PID1: variants seen among roughly 807,000 people sequenced by gnomAD.
PID1 encodes PTB-containing, cubilin and LRP1-interacting protein.
Under a neutral mutation model 19.1 loss-of-function variants are expected in PID1, and 10 were observed. The observed-to-expected ratio is 0.52, with a 90% CI of 0.32 to 0.89. PID1 has a LOEUF of 0.89. PID1 is among the 40% of genes least tolerant of loss of function. The pLI is 0.03. For synonymous variants in PID1, 130 were observed against 116.0 expected (o/e 1.12, Z -0.78); for missense variants, 248 against 285.3 (o/e 0.87, Z 0.94).
At chr2:229,034,741 G>GTTT (rs1559203021) in intron 2 of PID1, among the ~76,000 whole-genome samples, 2 of 151,572 alleles carry the variant, frequency 1.3e-5, no homozygotes, top group African/African-American at 4.9e-5. Flanking sequence ...TTCTGACAGT[G>GTTT]TCTCCTTTAT....
chr2:229,031,616 G>T (rs1452005341), intron 2 of PID1, among the ~76,000 whole-genome samples: 1 of 152,044 alleles, frequency 6.6e-6, no homozygotes, highest in African/African-American at 2.4e-5. Flanking sequence ...AAGGAAAAGA[G>T]AAACATAGGA....
intron 1 of PID1, among the ~76,000 whole-genome samples, chr2:229,196,210 A>C (rs1026240830): frequency 1.3e-5 from 2 of 152,088 alleles, no homozygotes; most frequent in Non-Finnish European, 2.9e-5. Context: ...GTGAGGGAGA[A>C]GGAAAAAGAA....
At chr2:229,100,271 C>T (rs935958604) in intron 2 of PID1, among the ~76,000 whole-genome samples, 2 of 152,220 alleles carry the variant, frequency 1.3e-5, no homozygotes, top group East Asian at 3.8e-4. Flanking sequence ...ATACTCCAAA[C>T]TCAGTTTTAT....
intron 2 of PID1, among the ~76,000 whole-genome samples, chr2:229,034,136 T>C (rs907299353): frequency 6.6e-6 from 1 of 152,144 alleles, no homozygotes; most frequent in East Asian, 1.9e-4. Flanking sequence ...TATTAAAGGA[T>C]AGATGCTGTT....
chr2:229,214,951 T>C (rs1360639355), intron 1 of PID1, among the ~76,000 whole-genome samples: 6 of 152,144 alleles, frequency 3.9e-5, no homozygotes, highest in African/African-American at 1.4e-4. Context: ...TATCCAAAAT[T>C]TTTCCCTAAC....
chr2:229,186,110 A>C (rs1445552455), intron 1 of PID1, among the ~76,000 whole-genome samples: 1 of 152,202 alleles, frequency 6.6e-6, no homozygotes, highest in Non-Finnish European at 1.5e-5. Context: ...CAGGGTAGTC[A>C]AATCTTAAAG....
chr2:229,206,544 T>C (rs1329658286), intron 1 of PID1, among the ~76,000 whole-genome samples: 1 of 152,202 alleles, frequency 6.6e-6, no homozygotes, highest in Non-Finnish European at 1.5e-5. Context: ...TAAGCACCCA[T>C]ACATAAGAAG....
At chr2:229,164,571 A>G in intron 1 of PID1, among the ~76,000 whole-genome samples, 1 of 152,194 alleles carries the variant, frequency 6.6e-6, no homozygotes, top group East Asian at 1.9e-4. Flanking sequence ...CTAACAATCA[A>G]TATTGTTTAC....
At chr2:229,087,850 C>T (rs1243691953) in intron 2 of PID1, among the ~76,000 whole-genome samples, 1 of 152,072 alleles carries the variant, frequency 6.6e-6, no homozygotes, top group African/African-American at 2.4e-5. Flanking sequence ...AAGTCAATTC[C>T]ACCAATCAAG....
At chr2:229,139,787 T>C (rs1156694232) in intron 2 of PID1, among the ~76,000 whole-genome samples, 3 of 152,154 alleles carry the variant, frequency 2.0e-5, no homozygotes, top group Admixed American at 6.5e-5. Context: ...TCTCCCTTGA[T>C]ATAATAAGGA....
intron 1 of PID1, among the ~76,000 whole-genome samples, chr2:229,250,070 G>A (rs1690110438): frequency 6.6e-6 from 1 of 152,120 alleles, no homozygotes; most frequent in Non-Finnish European, 1.5e-5. Context: ...GAAAGTGAAG[G>A]GAAATTGTTT....
chr2:229,231,855 G>C, intron 1 of PID1: 1 of 1,545,428 alleles, frequency 6.5e-7, no homozygotes, highest in Non-Finnish European at 8.7e-7. Flanking sequence ...GTCTTAATCT[G>C]TTTGTGCTGC....
intron 2 of PID1, among the ~76,000 whole-genome samples, chr2:229,060,573 A>G (rs1267974377): frequency 1.3e-5 from 2 of 152,154 alleles, no homozygotes; most frequent in Non-Finnish European, 2.9e-5. Flanking sequence ...TAATGCTGCA[A>G]TGAACATGAG....
At chr2:229,056,545 T>G (rs1380888149) in intron 2 of PID1, among the ~76,000 whole-genome samples, 4 of 137,580 alleles carry the variant, frequency 2.9e-5, no homozygotes, top group Non-Finnish European at 5.0e-5. Context: ...TATAAATAAA[T>G]CTATTTCAAA....
intron 2 of PID1, among the ~76,000 whole-genome samples, chr2:229,140,258 C>T (rs936942884): frequency 6.6e-6 from 1 of 152,078 alleles, no homozygotes; most frequent in Non-Finnish European, 1.5e-5. Context: ...TCCACCAATC[C>T]ATTTGTCATA....
chr2:229,261,573 A>C (rs1257976852), intron 1 of PID1, among the ~76,000 whole-genome samples: 2 of 152,244 alleles, frequency 1.3e-5, no homozygotes, highest in Non-Finnish European at 2.9e-5. Flanking sequence ...ACAACTATAA[A>C]GCAACTCTGA....
rs3083804 is a variant in PID1, at chr2:229,031,215, C to CAAAAAAA, written c.178-5114_178-5108dup. 1.5e-4 allele frequency among the ~76,000 whole-genome samples: 10 copies of CAAAAAAA among 68,424 alleles called. 1 individual carries two copies. The highest frequency in any genetic ancestry group is 5.6e-4 in the South Asian group (1 of 1,798). 44.9% of individuals were successfully genotyped at this position (68,424 alleles called of 152,430 possible). On this transcript the variant is annotated intron_variant, in intron 2 of 2. Transcript: ENST00000392055. ...TGGGCAGCATAACGAGACTCTGTCT[C>CAAAAAAA]AAAAAAAAAAAAAAAAAAGAAATAT...
intron 1 of PID1, among the ~76,000 whole-genome samples, chr2:229,165,821 T>G (rs1208801277): frequency 6.6e-6 from 1 of 152,190 alleles, no homozygotes; most frequent in Non-Finnish European, 1.5e-5. Context: ...ATTGTCTTTA[T>G]TCATAGAAAA....
At chr2:229,216,261 G>A (rs1691843954) in intron 1 of PID1, among the ~76,000 whole-genome samples, 1 of 152,150 alleles carries the variant, frequency 6.6e-6, no homozygotes, top group South Asian at 2.1e-4. Context: ...CATGCCCGGG[G>A]GCACGTGCAT....
Sources: gnomAD v4.1 joint callset for allele counts (sites outside exome capture counted in the v4.1 genomes callset) on GRCh38, gnomAD v4.1.1 for gene constraint, MANE v1.5 for transcripts, NCBI Gene and HGNC (gene_info 2026-07-23, HGNC 2026-07-21) for gene names.